TOGARAM2: variants seen among roughly 807,000 people sequenced by gnomAD.
TOGARAM2 encodes the protein TOG array regulator of axonemal microtubules protein 2.
Under a neutral mutation model 93.3 loss-of-function variants are expected in TOGARAM2, and 85 were observed. The observed-to-expected ratio is 0.91, with a 90% CI of 0.76 to 1.09. TOGARAM2 has a LOEUF of 1.09. Ranked by LOEUF, TOGARAM2 falls within the 50% of genes least tolerant of loss-of-function variation. TOGARAM2 has a pLI of 0.00. For synonymous variants in TOGARAM2, 593 were observed against 552.8 expected, an observed-to-expected ratio of 1.07 and a Z score of -1.02; for missense variants, 1,277 against 1,334.5, an observed-to-expected ratio of 0.96 and a Z score of 0.67.
At chr2:28,996,536 G>T (rs1310513663) in intron 2 of TOGARAM2, among the ~76,000 whole-genome samples, 1 of 152,012 alleles carries the variant, frequency 6.6e-6, no homozygotes, top group Non-Finnish European at 1.5e-5. Flanking sequence ...GATAATGACT[G>T]CCAGGCTGGG....
At chr2:29,044,998 C>A (rs1324094728) in intron 18 of TOGARAM2, among the ~76,000 whole-genome samples, 1 of 152,126 alleles carries the variant, frequency 6.6e-6, no homozygotes, top group Non-Finnish European at 1.5e-5. Flanking sequence ...CTTCTGTCAT[C>A]TATCTACCTA....
chr2:28,972,072 G>C (rs1230666803), intron 1 of TOGARAM2, among the ~76,000 whole-genome samples: 1 of 152,098 alleles, frequency 6.6e-6, no homozygotes. Flanking sequence ...AATGAGTTCA[G>C]TATTATTTAT....
intron 12 of TOGARAM2, 74 bp from the exon 13 acceptor site, chr2:29,024,065 G>A (rs1665157280): frequency 1.6e-6 from 2 of 1,279,726 alleles, no homozygotes; most frequent in South Asian, 1.4e-5. Flanking sequence ...GGGTGGTGCA[G>A]GGCCCATTTT....
chr2:29,017,757 C>A (rs1372610362), intron 9 of TOGARAM2, 35 bp from the exon 10 acceptor site: 2 of 1,545,640 alleles, frequency 1.3e-6, no homozygotes, highest in Non-Finnish European at 8.8e-7. Context: ...GGAAAACAGA[C>A]CTGCCTAGTC....
chr2:29,025,721 T>C (rs1665309583), intron 13 of TOGARAM2, among the ~76,000 whole-genome samples: 1 of 152,174 alleles, frequency 6.6e-6, no homozygotes, highest in Admixed American at 6.5e-5. Context: ...TGATGGAGTG[T>C]GGACACAGAG....
chr2:29,002,866 C>G (rs1011924918), intron 5 of TOGARAM2, 119 bp downstream of exon 5: 24 of 953,382 alleles, frequency 2.5e-5, no homozygotes, highest in Non-Finnish European at 3.6e-5. Context: ...CTGGAGGTGT[C>G]TTGAGGTCTG....
chr2:29,025,751 A>C (rs935609488), intron 13 of TOGARAM2, among the ~76,000 whole-genome samples: 2 of 152,208 alleles, frequency 1.3e-5, no homozygotes, highest in African/African-American at 4.8e-5. Context: ...AAGAGGTGCC[A>C]TTCTGACAGG....
At chr2:28,990,166 A>G (rs1195787408) in intron 1 of TOGARAM2, among the ~76,000 whole-genome samples, 1 of 152,098 alleles carries the variant, frequency 6.6e-6, no homozygotes, top group Non-Finnish European at 1.5e-5. Flanking sequence ...GAGATACAGG[A>G]AGGCATGTTC....
intron 12 of TOGARAM2, 64 bp from the exon 13 acceptor site, chr2:29,024,068 CCCATTTT>C: frequency 2.3e-6 from 3 of 1,310,650 alleles, no homozygotes; most frequent in Non-Finnish European, 3.2e-6. Flanking sequence ...TGGTGCAGGG[CCCATTTT>C]CCATGCGTCC....
intron 1 of TOGARAM2, among the ~76,000 whole-genome samples, chr2:28,991,032 GTGTGTGT>G: frequency 7.3e-6 from 1 of 136,260 alleles, no homozygotes; most frequent in Non-Finnish European, 1.5e-5. Context: ...GTGTGTGTGT[GTGTGTGT>G]GGCTTTTCCC....
intron 18 of TOGARAM2, among the ~76,000 whole-genome samples, chr2:29,043,843 C>A (rs936267326): frequency 6.6e-6 from 1 of 152,150 alleles, no homozygotes; most frequent in Non-Finnish European, 1.5e-5. Flanking sequence ...GTGAGAAATG[C>A]ATCTCTTCAA....
At chr2:28,977,604 C>T (rs150615707), upstream of TOGARAM2, among the ~76,000 whole-genome samples, 17 of 152,304 alleles carry the variant, frequency 1.1e-4, no homozygotes, top group East Asian at 2.5e-3. Context: ...CCTCTCCCCA[C>T]GTGCAGTCAG....
chr2:29,022,131 C>A (rs768172035), intron 10 of TOGARAM2, 27 bp from the exon 11 acceptor site: 2 of 1,613,768 alleles, frequency 1.2e-6, no homozygotes, highest in South Asian at 1.1e-5. Context: ...CTGCGTGAAG[C>A]CTGCTGTTTC....
intron 16 of TOGARAM2, 100 bp from the exon 17 acceptor site, chr2:29,035,364 C>T: frequency 2.7e-6 from 3 of 1,124,086 alleles, no homozygotes; most frequent in Non-Finnish European, 2.3e-6. Context: ...ACACTCTTGT[C>T]TCTGCCCCAC....
chr2:29,025,979 G>A (rs540534782), intron 13 of TOGARAM2, among the ~76,000 whole-genome samples: 12 of 152,176 alleles, frequency 7.9e-5, no homozygotes, highest in Admixed American at 2.0e-4. Context: ...GGCCTGGGGC[G>A]GAGAAGGCAA....
At chr2:28,957,609 G>T (rs1360748674) in intron 1 of TOGARAM2, among the ~76,000 whole-genome samples, 1 of 152,172 alleles carries the variant, frequency 6.6e-6, no homozygotes, top group Non-Finnish European at 1.5e-5. Context: ...GAGTCATGAC[G>T]CTGGAAGAAA....
intron 13 of TOGARAM2, among the ~76,000 whole-genome samples, chr2:29,024,989 A>G (rs2148352659): frequency 6.6e-6 from 1 of 152,314 alleles, no homozygotes; most frequent in Middle Eastern, 3.4e-3. Context: ...CACCCACACT[A>G]AAAGCAAAAC....
intron 14 of TOGARAM2, among the ~76,000 whole-genome samples, chr2:29,028,603 T>A (rs1665554227): frequency 6.6e-6 from 1 of 151,998 alleles, no homozygotes; most frequent in South Asian, 2.1e-4. Flanking sequence ...TTTCTTTACA[T>A]GCGTGTTAGC....
intron 18 of TOGARAM2, among the ~76,000 whole-genome samples, chr2:29,037,114 G>A (rs1383593057): frequency 6.6e-6 from 1 of 152,088 alleles, no homozygotes; most frequent in Non-Finnish European, 1.5e-5. Context: ...GGGGTTTGTG[G>A]TGATGGGCAG....
Sources: allele counts gnomAD v4.1 joint callset (sites outside exome capture counted in the v4.1 genomes callset), GRCh38; gene constraint gnomAD v4.1.1; transcripts MANE v1.5; gene names NCBI Gene and HGNC (gene_info 2026-07-23, HGNC 2026-07-21).